The following RSU1 variants were observed in gnomAD, a reference collection of about 807,000 sequenced individuals.
RSU1 encodes Ras suppressor protein 1.
RSU1 carries 26 observed loss-of-function variants against 31.1 expected under a neutral mutation model. The observed-to-expected ratio is 0.84, with a 90% CI of 0.61 to 1.16. The LOEUF is 1.16. RSU1 is among the 50% of genes most tolerant of loss of function. The pLI, the probability that RSU1 is intolerant of heterozygous loss-of-function variation, is 0.00. For synonymous variants in RSU1, 164 were observed against 136.3 expected (o/e 1.20, Z -1.41); for missense variants, 320 against 339.1 (o/e 0.94, Z 0.44).
chr10:16,792,159 A>G (rs1837931909), intron 2 of RSU1, among the ~76,000 whole-genome samples: 1 of 152,192 alleles, frequency 6.6e-6, no homozygotes, highest in Admixed American at 6.5e-5. Flanking sequence ...CTAGACTGCA[A>G]TCACCAGTTC....
At chr10:16,617,740 C>G (rs561440150) in intron 8 of RSU1, among the ~76,000 whole-genome samples, 249 of 152,306 alleles carry the variant, frequency 1.6e-3, no homozygotes, top group Non-Finnish European at 2.9e-3. Context: ...GGAAAGGATT[C>G]CCTATTTCAT....
At chr10:16,646,980 C>CTT (rs1007212635) in intron 8 of RSU1, among the ~76,000 whole-genome samples, 1 of 144,084 alleles carries the variant, frequency 6.9e-6, no homozygotes, top group African/African-American at 2.6e-5. Flanking sequence ...GGTACTGCAA[C>CTT]TTTTTTTTTT....
At chr10:16,651,348 A>T (rs966857783) in intron 8 of RSU1, among the ~76,000 whole-genome samples, 1 of 152,230 alleles carries the variant, frequency 6.6e-6, no homozygotes, top group African/African-American at 2.4e-5. Context: ...AGGAAGTGTC[A>T]GTTCAAATGT....
Position 16,764,508 on chromosome 10 carries a change from C to T in RSU1, c.163G>A (p.Val55Met), listed in dbSNP as rs1263382941. ...LVLSHNKLTM[V>M]PPNIAELKNL... ...TTCAGTTCTGCGATGTTCGGTGGCA[C>T]CACTATGGAAACAAAAATGCTGAGT... Residue 55 changes from valine to methionine, a missense_variant and splice_region_variant, in exon 4 of 9, where the codon GTG becomes ATG. Physicochemically the swap from Val to Met is conservative, Grantham distance 21. Coordinates refer to ENST00000345264, the MANE Select transcript of RSU1 (RefSeq NM_012425.4). 9 of 1,612,090 alleles carry T rather than the reference C, an allele frequency of 5.6e-6. No individual in the cohort carries two copies. Among genetic ancestry groups the T allele is most frequent in the Non-Finnish European group, 6.8e-6 (8 of 1,179,170 alleles).
At chr10:16,789,217 T>G (rs1837861606) in intron 2 of RSU1, among the ~76,000 whole-genome samples, 1 of 152,204 alleles carries the variant, frequency 6.6e-6, no homozygotes, top group Non-Finnish European at 1.5e-5. Flanking sequence ...TTTTCTTTTC[T>G]TTTTCTTTAA....
rs577670713 is a variant in RSU1, at chr10:16,772,654, A to C, written c.161-8144T>G. ...GGAGTAGAATATGAAAAAAAAAAAAAAAAAAAACAAGAAAAAAAAACTTCA... is the reference window on the plus strand; with the variant it reads ...GGAGTAGAATATGAAAAAAAAAAAACAAAAAAACAAGAAAAAAAAACTTCA... On this transcript the variant is annotated intron_variant, in intron 3 of 8. Coordinates refer to ENST00000345264, the MANE Select transcript of RSU1 (RefSeq NM_012425.4). Among the ~76,000 whole-genome samples the C allele has an allele frequency of 2.6e-5, 4 of 151,456 alleles. No homozygotes were observed. In the East Asian group the frequency reaches 5.8e-4, roughly 22 times the overall value.
chr10:16,792,721 C>A (rs1365747994), intron 2 of RSU1, among the ~76,000 whole-genome samples: 1 of 152,214 alleles, frequency 6.6e-6, no homozygotes, highest in South Asian at 2.1e-4. Context: ...CACGTTAATG[C>A]AAATCATCCC....
intron 8 of RSU1, among the ~76,000 whole-genome samples, chr10:16,694,167 C>T (rs1449219132): frequency 6.6e-6 from 1 of 152,120 alleles, no homozygotes; most frequent in African/African-American, 2.4e-5. Context: ...GTTTTTGGGA[C>T]AGTTTTGCAT....
chr10:16,644,028 T>A (rs1834491882), intron 8 of RSU1, among the ~76,000 whole-genome samples: 1 of 151,762 alleles, frequency 6.6e-6, no homozygotes, highest in South Asian at 2.1e-4. Context: ...GTGCATAGGT[T>A]ACATGCAAAT....
At chr10:16,655,825 T>C (rs575537998) in intron 8 of RSU1, among the ~76,000 whole-genome samples, 3 of 152,336 alleles carry the variant, frequency 2.0e-5, no homozygotes, top group East Asian at 1.9e-4. Context: ...TACAATGCTA[T>C]TGCACGCCCA....
At chr10:16,614,203 A>G (rs1463399221) in intron 8 of RSU1, among the ~76,000 whole-genome samples, 1 of 152,238 alleles carries the variant, frequency 6.6e-6, no homozygotes, top group African/African-American at 2.4e-5. Flanking sequence ...AATTAGGTAT[A>G]ACATATAAAA....
In RSU1 at chr10:16,735,075, C is replaced by G. The variant is rs186419961; in HGVS notation, c.598+17464G>C. Among the ~76,000 whole-genome samples the G allele has an allele frequency of 2.0e-5, 3 of 152,324 alleles. No individual in the cohort carries two copies. In the East Asian group the frequency reaches 5.8e-4, roughly 29 times the overall value. ...ACATTAGACTTCTAATCTCCACGAA[C>G]ACAAGAAAATTTATTTCTGTTGCTT... On this transcript the variant is annotated intron_variant, in intron 7 of 8. Transcript: ENST00000345264.
chr10:16,809,635 GA>G (rs1838361006), intron 2 of RSU1, among the ~76,000 whole-genome samples: 1 of 152,082 alleles, frequency 6.6e-6, no homozygotes, highest in Non-Finnish European at 1.5e-5. Context: ...GCTATCCAAA[GA>G]AGAGGTCTTT....
At chr10:16,603,752 T>G (rs1833750871) in intron 8 of RSU1, among the ~76,000 whole-genome samples, 1 of 152,244 alleles carries the variant, frequency 6.6e-6, no homozygotes, top group Non-Finnish European at 1.5e-5. Flanking sequence ...GGAGTGGATT[T>G]CTTTTATTTA....
intron 8 of RSU1, 151 bp downstream of exon 8, chr10:16,694,872 C>A (rs1484666113): frequency 1.4e-6 from 1 of 710,718 alleles, no homozygotes; most frequent in Middle Eastern, 4.1e-4. Flanking sequence ...CCACACCACA[C>A]CTGGCCGACA....
At chr10:16,763,526 C>G (rs1837250455) in intron 4 of RSU1, among the ~76,000 whole-genome samples, 1 of 152,182 alleles carries the variant, frequency 6.6e-6, no homozygotes, top group Non-Finnish European at 1.5e-5. Context: ...TTCAGGAGAG[C>G]TCCGCCCCCA....
At chr10:16,631,318 A>G (rs1834242815) in intron 8 of RSU1, among the ~76,000 whole-genome samples, 2 of 152,312 alleles carry the variant, frequency 1.3e-5, no homozygotes, top group South Asian at 4.1e-4. Flanking sequence ...TAAGCCACAA[A>G]TAAGCCCAGG....
intron 8 of RSU1, among the ~76,000 whole-genome samples, chr10:16,627,214 C>T (rs1349675211): frequency 1.3e-5 from 2 of 152,216 alleles, no homozygotes; most frequent in Non-Finnish European, 2.9e-5. Flanking sequence ...ATGTCTATTA[C>T]TTCCCTCCGT....
intron 8 of RSU1, among the ~76,000 whole-genome samples, chr10:16,596,670 CA>C (rs929843083): frequency 1.3e-5 from 2 of 151,772 alleles, no homozygotes. Context: ...CCGCACAGAG[CA>C]AAAAAATACG....
Sources: gnomAD v4.1 joint callset for allele counts (sites outside exome capture counted in the v4.1 genomes callset) on GRCh38, gnomAD v4.1.1 for gene constraint, MANE v1.5 for transcripts, NCBI Gene and HGNC (gene_info 2026-07-23, HGNC 2026-07-21) for gene names.